TMEM40: variants seen among roughly 807,000 people sequenced by gnomAD.
TMEM40 encodes transmembrane protein 40.
Under a neutral mutation model 40.8 loss-of-function variants are expected in TMEM40, and 34 were observed. The ratio of observed to expected loss-of-function variants is 0.83; its 90% CI spans 0.63 to 1.11. The LOEUF (loss-of-function observed/expected upper bound fraction) is 1.11. Ranked by LOEUF, TMEM40 falls within the 50% of genes least tolerant of loss-of-function variation. The pLI is 0.00. For missense variants in TMEM40, 296 were observed against 280.2 expected, an observed-to-expected ratio of 1.06 and a Z score of -0.40; for synonymous variants, 106 against 107.0, an observed-to-expected ratio of 0.99 and a Z score of 0.06.
At chr3:12,734,841 G>C (rs2061326723) in intron 11 of TMEM40, 48 bp from the exon 12 acceptor site, 5 of 1,577,298 alleles carry the variant, frequency 3.2e-6, no homozygotes, top group Non-Finnish European at 4.3e-6. Flanking sequence ...AAGGCAGCCA[G>C]GCTTCATCCC....
At chr3:12,755,218 T>TCC (rs2061513217) in intron 1 of TMEM40, among the ~76,000 whole-genome samples, 1 of 76,838 alleles carries the variant, frequency 1.3e-5, no homozygotes, top group Non-Finnish European at 2.5e-5. Flanking sequence ...TTTCTTTCTC[T>TCC]CTCTCTCTCT....
At chr3:12,745,197 T>C (rs140283690) in intron 3 of TMEM40, among the ~76,000 whole-genome samples, 1 of 150,838 alleles carries the variant, frequency 6.6e-6, no homozygotes. Context: ...GTAGCTCAGA[T>C]TACAGGCGTG....
In TMEM40 at chr3:12,768,903, A is replaced by G. The variant is rs537988566; in HGVS notation, c.-9+348T>C. On this transcript the variant is annotated intron_variant, in intron 1 of 11. Transcript: ENST00000264728. ...AGCCCATGGCGGGGCGGGGCGGGGC[A>G]GGGCGGGCCGGGGCCGGGGCCGGGG... 3.0e-3 allele frequency among the ~76,000 whole-genome samples: 114 copies of G among 38,596 alleles called. 2 individuals are homozygous for G. The highest frequency in any genetic ancestry group is 0.02 in the East Asian group (22 of 1,100). The allele number at this position is 38,596 out of a possible 152,430, so 25.3% of individuals were successfully genotyped here.
rs1373028614 is a variant in TMEM40 at position 12,755,229 on chromosome 3, C to CTT, written c.-9+3961_-9+3962insAA. Among the ~76,000 whole-genome samples the CTT allele has an allele frequency of 2.1e-3, 140 of 65,530 alleles. 1 individual carries two copies. The highest frequency in any genetic ancestry group is 7.7e-3 in the Middle Eastern group (1 of 130). The allele number at this position is 65,530 out of a possible 152,430, so 43.0% of individuals were successfully genotyped here. ...TTTCTTTCTTTCTCTCTCTCTCTCT[C>CTT]TCTCTCTTTCTTTCTTTCTTTCTTT... On this transcript the variant is annotated intron_variant, in intron 1 of 11. Coordinates refer to ENST00000314124, the MANE Select transcript of TMEM40 (RefSeq NM_018306.4).
chr3:12,768,621 T>A lies in TMEM40; in HGVS notation c.-9+630A>T, dbSNP rs1183433767. Among the ~76,000 whole-genome samples the A allele has an allele frequency of 0.043, 4 of 92 alleles. No individual in the cohort carries two copies. In the East Asian group the frequency reaches 0.5, roughly 11 times the overall value. The allele number at this position is 92 out of a possible 152,430, so 0.1% of individuals were successfully genotyped here. ...GACACAGGGTGCTGATTGGTGTGTT[T>A]ACAAACCTGAGCTAGATACAGAGTG... On this transcript the variant is annotated intron_variant, in intron 1 of 11. Transcript: ENST00000264728.
At chr3:12,750,427 C>T (rs2061466095) in intron 1 of TMEM40, among the ~76,000 whole-genome samples, 1 of 152,188 alleles carries the variant, frequency 6.6e-6, no homozygotes, top group Non-Finnish European at 1.5e-5. Context: ...CACCTCTTGA[C>T]AGCTACGTGC....
At chr3:12,754,448 A>C (rs998235784) in intron 1 of TMEM40, among the ~76,000 whole-genome samples, 1 of 152,246 alleles carries the variant, frequency 6.6e-6, no homozygotes, top group Non-Finnish European at 1.5e-5. Flanking sequence ...AAAATAGTGC[A>C]AGCATCTAGG....
Position 12,748,811 on chromosome 3 carries a change from C to G in TMEM40, c.74-19G>C. 1 of 1,611,990 alleles carries G rather than the reference C, an allele frequency of 6.2e-7. No individual in the cohort carries two copies. The highest frequency in any genetic ancestry group is 8.5e-7 in the Non-Finnish European group (1 of 1,178,536). On this transcript the variant is annotated intron_variant, in intron 2 of 11. Coordinates refer to ENST00000314124, the MANE Select transcript of TMEM40 (RefSeq NM_018306.4). ...TCTCCATCTACAAGGCACACAGAGGCCAGGGGATGAGCGTTTCCCACCCTT... is the reference window on the plus strand; with the variant it reads ...TCTCCATCTACAAGGCACACAGAGGGCAGGGGATGAGCGTTTCCCACCCTT...
At chr3:12,767,170 A>C (rs961753445) in intron 1 of TMEM40, among the ~76,000 whole-genome samples, 4 of 152,212 alleles carry the variant, frequency 2.6e-5, no homozygotes, top group African/African-American at 9.6e-5. Flanking sequence ...GCTTGAGGTC[A>C]CAATGATTTA....
intron 1 of TMEM40, among the ~76,000 whole-genome samples, chr3:12,755,187 C>A (rs1011095175): frequency 1.1e-5 from 1 of 92,818 alleles, no homozygotes; most frequent in African/African-American, 7.9e-5. Context: ...TCTCTCCTTC[C>A]TTCCTTCCTT....
intron 3 of TMEM40, among the ~76,000 whole-genome samples, chr3:12,746,234 C>G (rs781610621): frequency 6.6e-6 from 1 of 151,328 alleles, no homozygotes. Flanking sequence ...TAATAATAAC[C>G]GCGGCAGAAA....
At chr3:12,765,828 G>T (rs1159809354) in intron 1 of TMEM40, among the ~76,000 whole-genome samples, 1 of 151,904 alleles carries the variant, frequency 6.6e-6, no homozygotes, top group Non-Finnish European at 1.5e-5. Flanking sequence ...CTCCCAAAGT[G>T]CTGGGATTAT....
At chr3:12,757,068 C>T (rs1210609540) in intron 1 of TMEM40, among the ~76,000 whole-genome samples, 12 of 152,130 alleles carry the variant, frequency 7.9e-5, no homozygotes, top group Non-Finnish European at 1.3e-4. Flanking sequence ...AATGGGCATG[C>T]CTACAACTCA....
intron 1 of TMEM40, among the ~76,000 whole-genome samples, chr3:12,764,503 C>G (rs1215356582): frequency 6.6e-6 from 1 of 152,216 alleles, no homozygotes; most frequent in African/African-American, 2.4e-5. Flanking sequence ...GCACGTGCCA[C>G]TTAAATCCAT....
At chr3:12,757,116 G>A (rs1444453425) in intron 1 of TMEM40, among the ~76,000 whole-genome samples, 1 of 152,162 alleles carries the variant, frequency 6.6e-6, no homozygotes. Context: ...AAAACGGACA[G>A]AGGATTCGAA....
intron 3 of TMEM40, among the ~76,000 whole-genome samples, chr3:12,745,855 T>C (rs1317442024): frequency 6.6e-6 from 1 of 152,154 alleles, no homozygotes; most frequent in Non-Finnish European, 1.5e-5. Flanking sequence ...TTACCCAAAC[T>C]GCAGAACTGT....
Position 12,734,706 on chromosome 3 carries a change from T to C in TMEM40, c.*68A>G. ...CGTCTCTCAGAATGCTGCTCTGCCC[T>C]TGTGGGCTCAGGGGTCGCAGTGGTG... On this transcript the variant is annotated 3_prime_UTR_variant, in exon 12 of 12. Coordinates refer to ENST00000314124, the MANE Select transcript of TMEM40 (RefSeq NM_018306.4). 1 of 1,545,542 alleles carries C rather than the reference T, an allele frequency of 6.5e-7. No individual in the cohort carries two copies. The highest frequency in any genetic ancestry group is 8.8e-7 in the Non-Finnish European group (1 of 1,142,018).
rs113868846 is a variant in TMEM40 at position 12,744,932 on chromosome 3, T to A, written c.212-943A>T. On this transcript the variant is annotated intron_variant, in intron 3 of 11. Coordinates refer to ENST00000314124, the MANE Select transcript of TMEM40 (RefSeq NM_018306.4). ...TGGTGTTTATCTCAGGAGAGAGGATTTTGGGTGACTTCTATTTTCTTCTTT... is the reference window on the plus strand; with the variant it reads ...TGGTGTTTATCTCAGGAGAGAGGATATTGGGTGACTTCTATTTTCTTCTTT... Among the ~76,000 whole-genome samples the A allele has an allele frequency of 2.5e-3, 378 of 152,314 alleles. 3 individuals are homozygous for A. The highest frequency in any genetic ancestry group is 8.6e-3 in the African/African-American group (357 of 41,574).
At chr3:12,752,338 C>T (rs73812893) in intron 1 of TMEM40, among the ~76,000 whole-genome samples, 12,138 of 152,062 alleles carry the variant, frequency 0.08, 625 homozygotes, top group African/African-American at 0.15. Context: ...TGTACAGAGC[C>T]GGGAACAAAG....
Sources: gnomAD v4.1 joint callset for allele counts (sites outside exome capture counted in the v4.1 genomes callset) on GRCh38, gnomAD v4.1.1 for gene constraint, MANE v1.5 for transcripts, NCBI Gene and HGNC (gene_info 2026-07-23, HGNC 2026-07-21) for gene names.